The following DNAH11 variants were observed in gnomAD, a reference collection of about 807,000 sequenced individuals.
The protein encoded by DNAH11 is axonemal beta dynein heavy chain 11.
A neutral mutation model predicts 526.0 loss-of-function variants in DNAH11; 442 were observed. The observed-to-expected ratio is 0.84, with a 90% confidence interval of 0.78 to 0.91. The LOEUF (loss-of-function observed/expected upper bound fraction) is 0.91. Among genes scored for constraint, DNAH11 ranks in the 40% least tolerant of loss-of-function variants. DNAH11 has a pLI of 0.00. For synonymous variants in DNAH11, 2,461 were observed against 1,935.9 expected (o/e 1.27, Z -7.12); for missense variants, 6,989 against 5,448.7 (o/e 1.28, Z -8.90).
At chr7:21,871,854 G>A (rs904201400) in intron 73 of DNAH11, among the ~76,000 whole-genome samples, 1 of 151,452 alleles carries the variant, frequency 6.6e-6, no homozygotes, top group Non-Finnish European at 1.5e-5. Flanking sequence ...AGGATGGGGT[G>A]GCTCAAGCCT....
chr7:21,607,028 C>T (rs986032727), intron 20 of DNAH11, among the ~76,000 whole-genome samples: 15 of 152,158 alleles, frequency 9.9e-5, no homozygotes, highest in South Asian at 2.1e-4. Context: ...CATCACAAGG[C>T]GAAGTCCCAC....
chr7:21,618,499 C>A (rs1785888314), intron 23 of DNAH11: 1 of 153,792 alleles, frequency 6.5e-6, no homozygotes, highest in Non-Finnish European at 1.4e-5. Context: ...GAGGATGTCT[C>A]AAGGACCCAA....
chr7:21,748,730 C>G lies in DNAH11; in HGVS notation c.8661C>G (p.Ile2887Met). Reference protein sequence around the residue: ...FQITLTEGYGIQELRVDLANL... With the variant: ...FQITLTEGYGMQELRVDLANL... ...TCACTCTGACCGAGGGCTATGGAAT[C>G]CAGGAACTTCGGGTGAGTCAAGGGG... Residue 2887 changes from isoleucine to methionine, a missense_variant, in exon 52 of 82, where the codon ATC becomes ATG. By Grantham distance (10) the Ile-to-Met change is conservative (BLOSUM62 1). Transcript: ENST00000409508. 6.2e-7 allele frequency: 1 copy of G among 1,613,028 alleles called. No individual in the cohort carries two copies. The highest frequency in any genetic ancestry group is 2.2e-5 in the East Asian group (1 of 44,824).
At chr7:21,745,406 T>C (rs886416242) in intron 51 of DNAH11, among the ~76,000 whole-genome samples, 8 of 152,224 alleles carry the variant, frequency 5.3e-5, no homozygotes, top group African/African-American at 1.9e-4. Flanking sequence ...GATAGGAACA[T>C]TGCCAGCCTT....
intron 54 of DNAH11, 89 bp from the exon 55 acceptor site, chr7:21,765,339 A>G (rs1787127876): frequency 6.4e-7 from 1 of 1,573,838 alleles, no homozygotes; most frequent in Non-Finnish European, 8.7e-7. Context: ...AGTTGGCTGC[A>G]CTCCTTTCTC....
intron 28 of DNAH11, 67 bp downstream of exon 28, chr7:21,639,132 A>G: frequency 6.7e-7 from 1 of 1,489,608 alleles, no homozygotes; most frequent in Non-Finnish European, 9.0e-7. Flanking sequence ...CGTCTCTATC[A>G]TTGTCAAATG....
chr7:21,830,818 CATATT>C (rs1377147129), intron 65 of DNAH11, among the ~76,000 whole-genome samples: 1 of 152,106 alleles, frequency 6.6e-6, no homozygotes, highest in East Asian at 1.9e-4. Flanking sequence ...AATAGGAGTA[CATATT>C]ATATTTATGT....
rs1159680794 is a variant in DNAH11 at position 21,717,677 on chromosome 7, T to C, written c.6984-98T>C. ...ACTCACTAAACGTGTCCTTGAAGTG[T>C]TGCACCAAGCTGTGTCAAAGGAGGA... On this transcript the variant is annotated intron_variant, in intron 42 of 81. Transcript: ENST00000409508. 2.1e-6 allele frequency: 3 copies of C among 1,427,912 alleles called. No homozygotes were observed. In the African/African-American group the frequency reaches 4.3e-5, roughly 20 times the overall value. The allele number at this position is 1,427,912 out of a possible 1,614,324, so 88.5% of individuals were successfully genotyped here.
At position 21,564,179 on chromosome 7, in the gene DNAH11, C is replaced by A. The variant is rs1330372334; in HGVS notation, c.983-7C>A. ...GAATCACGTTAATGGTGGTTCTTTGCTTTCAGCTCTTCTCGAAGCCCAAGA... is the reference window on the plus strand; with the variant it reads ...GAATCACGTTAATGGTGGTTCTTTGATTTCAGCTCTTCTCGAAGCCCAAGA... On this transcript the variant is annotated splice_region_variant and splice_polypyrimidine_tract_variant and intron_variant, in intron 5 of 81. Transcript: ENST00000409508. 1.3e-6 allele frequency: 2 copies of A among 1,548,542 alleles called. No individual in the cohort carries two copies.
chr7:21,896,212 C>T (rs1562609559), intron 79 of DNAH11, among the ~76,000 whole-genome samples: 2 of 152,010 alleles, frequency 1.3e-5, no homozygotes, highest in Non-Finnish European at 1.5e-5. Flanking sequence ...CTCATCATTG[C>T]TTTTTTTGTA....
chr7:21,611,191 G>C (rs946020593), intron 20 of DNAH11, among the ~76,000 whole-genome samples: 3 of 152,230 alleles, frequency 2.0e-5, no homozygotes, highest in African/African-American at 7.2e-5. Context: ...TGTCTCCTCT[G>C]GAAAAGGAAT....
chr7:21,691,224 C>T (rs1783609604), intron 35 of DNAH11, among the ~76,000 whole-genome samples: 1 of 147,604 alleles, frequency 6.8e-6, no homozygotes, highest in African/African-American at 2.5e-5. Flanking sequence ...GCCAACAGAA[C>T]ACTTCAGGAG....
chr7:21,828,626 ATAAC>A (rs1364817237), intron 65 of DNAH11, among the ~76,000 whole-genome samples: 1 of 152,180 alleles, frequency 6.6e-6, no homozygotes, highest in African/African-American at 2.4e-5. Flanking sequence ...TTCCAATAAA[ATAAC>A]AAACAAATGA....
chr7:21,811,772 C>T (rs1314819053), intron 63 of DNAH11, among the ~76,000 whole-genome samples: 1 of 152,050 alleles, frequency 6.6e-6, no homozygotes, highest in African/African-American at 2.4e-5. Flanking sequence ...AGGGTAAAGT[C>T]CTGGTGTCTT....
intron 49 of DNAH11, among the ~76,000 whole-genome samples, chr7:21,744,140 T>G (rs1786040170): frequency 6.6e-6 from 1 of 152,240 alleles, no homozygotes; most frequent in South Asian, 2.1e-4. Context: ...TTTTGTAAAC[T>G]TAGTCCATTG....
At chr7:21,837,542 G>C (rs1782041364) in intron 65 of DNAH11, among the ~76,000 whole-genome samples, 1 of 152,132 alleles carries the variant, frequency 6.6e-6, no homozygotes, top group African/African-American at 2.4e-5. Context: ...AAGTAGAGTA[G>C]AAAAATGGTT....
At chr7:21,569,619 C>G (rs1783802909) in intron 6 of DNAH11, among the ~76,000 whole-genome samples, 1 of 152,190 alleles carries the variant, frequency 6.6e-6, no homozygotes, top group South Asian at 2.1e-4. Context: ...CACTGTTACA[C>G]ACTCCTAATC....
At chr7:21,656,620 G>T (rs1427120746) in intron 29 of DNAH11, among the ~76,000 whole-genome samples, 1 of 152,118 alleles carries the variant, frequency 6.6e-6, no homozygotes, top group Non-Finnish European at 1.5e-5. Flanking sequence ...TGATTTAGGG[G>T]AATTGCATCT....
At chr7:21,760,640 T>C (rs1786858512) in intron 54 of DNAH11, among the ~76,000 whole-genome samples, 1 of 152,234 alleles carries the variant, frequency 6.6e-6, no homozygotes, top group Admixed American at 6.5e-5. Flanking sequence ...TCATATATCT[T>C]GAGCACTACT....
Sources: gnomAD v4.1 joint callset for allele counts (sites outside exome capture counted in the v4.1 genomes callset) on GRCh38, gnomAD v4.1.1 for gene constraint, MANE v1.5 for transcripts, NCBI Gene and HGNC (gene_info 2026-07-23, HGNC 2026-07-21) for gene names.